PNKD: variants seen among roughly 807,000 people sequenced by gnomAD.
The protein encoded by PNKD is probable thioesterase PNKD.
In PNKD, 36 loss-of-function variants were observed where a neutral mutation model predicts 45.3. The observed-to-expected ratio is 0.80, with a 90% confidence interval of 0.61 to 1.05. The LOEUF is 1.05. PNKD is among the 50% of genes least tolerant of loss of function. The pLI, the probability that PNKD is intolerant of heterozygous loss-of-function variation, is 0.00. For missense variants in PNKD, 511 were observed against 506.6 expected (o/e 1.01, Z -0.08); for synonymous variants, 197 against 210.1 (o/e 0.94, Z 0.54).
intron 2 of PNKD, among the ~76,000 whole-genome samples, chr2:218,307,864 G>T (rs1005853622): frequency 2.6e-5 from 4 of 152,120 alleles, no homozygotes; most frequent in African/African-American, 9.7e-5. Context: ...ATGCTCCATT[G>T]TCATAGCTGC....
At chr2:218,281,343 GC>G (rs1691968359) in intron 2 of PNKD, among the ~76,000 whole-genome samples, 1 of 151,908 alleles carries the variant, frequency 6.6e-6, no homozygotes, top group African/African-American at 2.4e-5. Context: ...TGCCATGTTG[GC>G]CAGGCTGGTC....
At chr2:218,314,752 C>T (rs993633859) in intron 2 of PNKD, among the ~76,000 whole-genome samples, 12 of 151,052 alleles carry the variant, frequency 7.9e-5, no homozygotes, top group Non-Finnish European at 1.2e-4. Flanking sequence ...TGCAATGGGG[C>T]GATCTCGGCT....
chr2:218,271,512 A>AG lies in PNKD; in HGVS notation c.203dup (p.Lys69GlnfsTer38). 2 of 1,614,156 alleles carry AG rather than the reference A, an allele frequency of 1.2e-6. No homozygotes were observed. The highest frequency in any genetic ancestry group is 1.7e-6 in the Non-Finnish European group (2 of 1,180,020). On this transcript the variant is annotated frameshift_variant, in exon 2 of 10. Transcript: ENST00000273077. LOFTEE classifies it high-confidence loss of function. Reference sequence around the variant, plus strand: ...GGAGCTGGAATACATTCCCAGAAAGAGGGGCAAGAACCCCATGAAAGCTGT... The same window carrying AG: ...GGAGCTGGAATACATTCCCAGAAAGAGGGGGCAAGAACCCCATGAAAGCTGT...
intron 2 of PNKD, among the ~76,000 whole-genome samples, chr2:218,315,061 C>T (rs12694433): frequency 0.24 from 3,412 of 14,394 alleles, 357 homozygotes; most frequent in African/African-American, 0.38. Flanking sequence ...TTTCTTTCTT[C>T]CTTCCTTCCT....
intron 2 of PNKD, chr2:218,272,806 G>A (rs1341490639): frequency 6.2e-7 from 1 of 1,613,262 alleles, no homozygotes; most frequent in Non-Finnish European, 8.5e-7. Flanking sequence ...TAAGTCCTCA[G>A]GTTTGGCCCA....
At chr2:218,295,227 C>T (rs576712321) in intron 2 of PNKD, among the ~76,000 whole-genome samples, 1 of 152,312 alleles carries the variant, frequency 6.6e-6, no homozygotes, top group Admixed American at 6.5e-5. Context: ...TGGGCCTTAT[C>T]TGCAAAATTA....
intron 2 of PNKD, among the ~76,000 whole-genome samples, chr2:218,273,500 G>T (rs1690946734): frequency 2.5e-5 from 3 of 121,996 alleles, no homozygotes; most frequent in African/African-American, 6.3e-5. Context: ...TTTTTTTTGA[G>T]ACAGAGTTTC....
At chr2:218,338,353 C>T (rs1362786651) in intron 2 of PNKD, among the ~76,000 whole-genome samples, 1 of 150,242 alleles carries the variant, frequency 6.7e-6, no homozygotes, top group African/African-American at 2.5e-5. Flanking sequence ...CCCAGCTACT[C>T]GGGAGGCTGA....
rs386392656 is a variant in PNKD, at chr2:218,314,222, C to CTTTTTTTTTTTTTT, written c.237-25553_237-25540dup. Among the ~76,000 whole-genome samples, 4 of 67,710 alleles carry CTTTTTTTTTTTTTT rather than the reference C, an allele frequency of 5.9e-5. 1 individual carries two copies. The highest frequency in any genetic ancestry group is 4.5e-4 in the East Asian group (1 of 2,230). The allele number at this position is 67,710 out of a possible 152,430, so 44.4% of individuals were successfully genotyped here. On this transcript the variant is annotated intron_variant, in intron 2 of 9. Transcript: ENST00000273077. ...ACAGGCGTGAGCCACCGCGCCCTGGCTTTTTTTTTTTTTTTTTTTTTGAGA... is the reference window on the plus strand; with the variant it reads ...ACAGGCGTGAGCCACCGCGCCCTGGCTTTTTTTTTTTTTTTTTTTTTTTTTTTTTTTTTTTGAGA...
chr2:218,277,464 G>A (rs1208844029), intron 2 of PNKD: 2 of 1,613,804 alleles, frequency 1.2e-6, no homozygotes, highest in South Asian at 1.1e-5. Context: ...CTGGGGAGAA[G>A]CAGGAGTTAC....
rs1694804072 is a variant in PNKD, at chr2:218,345,447, CA to C, written c.*470del. 2 of 162,120 alleles carry C rather than the reference CA, an allele frequency of 1.2e-5. No individual in the cohort carries two copies. Among genetic ancestry groups the C allele is most frequent in the South Asian group, 1.7e-4 (1 of 5,734 alleles). The allele number at this position is 162,120 out of a possible 1,614,324, so 10.0% of individuals were successfully genotyped here. On this transcript the variant is annotated 3_prime_UTR_variant, in exon 10 of 10. Transcript: ENST00000273077. ...CAGTGGCCTCAAGTGTGATGCCTTA[CA>C]AAAGCACCACTCAGATGGGCAGCTG...
At chr2:218,286,760 C>G (rs1692546120) in intron 2 of PNKD, 1 of 152,236 alleles carries the variant, frequency 6.6e-6, no homozygotes, top group Non-Finnish European at 1.5e-5. Flanking sequence ...GGGGTTACAG[C>G]AAGAGGAGAG....
intron 7 of PNKD, among the ~76,000 whole-genome samples, chr2:218,342,566 G>T (rs1256766570): frequency 6.6e-6 from 1 of 151,760 alleles, no homozygotes; most frequent in African/African-American, 2.4e-5. Context: ...CGGGCATGGT[G>T]GTGCATGCCT....
At chr2:218,332,367 G>A (rs748137200) in intron 2 of PNKD, among the ~76,000 whole-genome samples, 18 of 152,190 alleles carry the variant, frequency 1.2e-4, no homozygotes, top group Non-Finnish European at 2.1e-4. Context: ...GCCTTTCCCA[G>A]AAAGAGAAGA....
intron 2 of PNKD, among the ~76,000 whole-genome samples, chr2:218,278,823 G>A (rs1691543979): frequency 1.3e-5 from 2 of 152,204 alleles, no homozygotes; most frequent in African/African-American, 4.8e-5. Flanking sequence ...CAGCGTGCAC[G>A]CCACCACCAG....
At chr2:218,318,829 TA>T (rs1330875719) in intron 2 of PNKD, among the ~76,000 whole-genome samples, 2 of 151,636 alleles carry the variant, frequency 1.3e-5, no homozygotes, top group Non-Finnish European at 2.9e-5. Context: ...GTAATATTAG[TA>T]ATAGAGTAGA....
chr2:218,298,137 G>A (rs1328220228), intron 2 of PNKD, among the ~76,000 whole-genome samples: 1 of 152,200 alleles, frequency 6.6e-6, no homozygotes, highest in Non-Finnish European at 1.5e-5. Context: ...GACTGAAACT[G>A]CTGTAACTGG....
At chr2:218,318,885 T>C (rs562771391) in intron 2 of PNKD, among the ~76,000 whole-genome samples, 164 of 151,894 alleles carry the variant, frequency 1.1e-3, no homozygotes, top group Non-Finnish European at 1.9e-3. Context: ...GGAGTAACAT[T>C]TTTTCTTTAA....
intron 2 of PNKD, chr2:218,272,995 G>C: frequency 4.6e-6 from 6 of 1,314,206 alleles, no homozygotes; most frequent in Non-Finnish European, 6.0e-6. Flanking sequence ...GCAGAGGGTG[G>C]GGCTGGTTAC....
Sources: allele counts gnomAD v4.1 joint callset (sites outside exome capture counted in the v4.1 genomes callset), GRCh38; gene constraint gnomAD v4.1.1; transcripts MANE v1.5; gene names NCBI Gene and HGNC (gene_info 2026-07-23, HGNC 2026-07-21).